TAS2R1: variants seen among roughly 807,000 people sequenced by gnomAD.
The protein encoded by TAS2R1 is taste receptor type 2 member 1.
For synonymous variants in TAS2R1, 141 were observed against 134.2 expected (o/e 1.05, Z -0.35); for missense variants, 370 against 353.4 (o/e 1.05, Z -0.38).
chr5:9,869,803 T>C, the TAS2R1 span, among the ~76,000 whole-genome samples: 1 of 152,234 alleles, frequency 6.6e-6, no homozygotes, highest in Non-Finnish European at 1.5e-5. Flanking sequence ...TTTTCTGTAA[T>C]AAATCATAGC....
chr5:9,896,173 G>A, the TAS2R1 span, among the ~76,000 whole-genome samples: 1 of 152,180 alleles, frequency 6.6e-6, no homozygotes, highest in Non-Finnish European at 1.5e-5. Flanking sequence ...CAAGGTGAGA[G>A]GTTTCTGCCT....
the TAS2R1 span, chr5:9,862,822 C>T: frequency 6.6e-6 from 1 of 152,308 alleles, no homozygotes; most frequent in Non-Finnish European, 1.5e-5. Context: ...GCCATGTTGC[C>T]CAGGCTGGTC....
At chr5:9,872,169 G>C in the TAS2R1 span, among the ~76,000 whole-genome samples, 2 of 152,154 alleles carry the variant, frequency 1.3e-5, no homozygotes, top group Non-Finnish European at 2.9e-5. Flanking sequence ...AAAAATTAAA[G>C]CAAAATATTA....
the TAS2R1 span, among the ~76,000 whole-genome samples, chr5:9,865,797 G>T: frequency 6.6e-5 from 10 of 152,284 alleles, no homozygotes; most frequent in South Asian, 2.1e-3. Context: ...AAAGTCATCT[G>T]CCTTTTCAAC....
the TAS2R1 span, among the ~76,000 whole-genome samples, chr5:9,886,168 A>G: frequency 6.6e-6 from 1 of 151,632 alleles, no homozygotes; most frequent in East Asian, 1.9e-4. Context: ...AGTAGCTGGG[A>G]CTACAGGTGC....
At chr5:9,668,785 C>T (rs542484580) in intron 1 of TAS2R1, among the ~76,000 whole-genome samples, 6 of 151,946 alleles carry the variant, frequency 3.9e-5, no homozygotes, top group South Asian at 2.1e-4. Context: ...AAGCAAAGAC[C>T]ATTACTAGCT....
chr5:9,757,485 A>G, the TAS2R1 span, among the ~76,000 whole-genome samples: 7 of 152,202 alleles, frequency 4.6e-5, no homozygotes, highest in East Asian at 1.2e-3. Flanking sequence ...GCTCATGAAC[A>G]CATTTAACAC....
chr5:9,676,077 T>C (rs1002781580), intron 1 of TAS2R1, among the ~76,000 whole-genome samples: 4 of 152,208 alleles, frequency 2.6e-5, no homozygotes, highest in African/African-American at 9.6e-5. Context: ...TGTTAAAATT[T>C]TGTCAATTTT....
the TAS2R1 span, among the ~76,000 whole-genome samples, chr5:9,791,057 TG>T: frequency 6.6e-6 from 1 of 152,218 alleles, no homozygotes; most frequent in Non-Finnish European, 1.5e-5. Context: ...TGAAAAATCT[TG>T]AGCCCCAACC....
At chr5:9,867,466 TA>T in the TAS2R1 span, among the ~76,000 whole-genome samples, 1 of 152,044 alleles carries the variant, frequency 6.6e-6, no homozygotes, top group African/African-American at 2.4e-5. Flanking sequence ...ATCTGCTCTT[TA>T]TAAAACCATC....
chr5:9,758,582 T>C, the TAS2R1 span, among the ~76,000 whole-genome samples: 3 of 152,160 alleles, frequency 2.0e-5, no homozygotes, highest in African/African-American at 7.2e-5. Flanking sequence ...ATCAACAAAT[T>C]GAAGATAATA....
At position 9,648,369 on chromosome 5, in the gene TAS2R1, A is replaced by G. The variant is rs75805023; in HGVS notation, c.-81+11052T>C. ...TTATGCCTTTTTTCCAATCTATCAA[A>G]TTGACAATATAACAGATCTGCATTG... On this transcript the variant is annotated intron_variant, in intron 2 of 2. Coordinates refer to the TAS2R1 transcript ENST00000506620. Among the ~76,000 whole-genome samples the G allele has an allele frequency of 1.9e-3, 293 of 152,200 alleles. 1 individual carries two copies. The highest frequency in any genetic ancestry group is 6.9e-3 in the African/African-American group (285 of 41,538).
At chr5:9,897,548 G>A in the TAS2R1 span, among the ~76,000 whole-genome samples, 3 of 152,276 alleles carry the variant, frequency 2.0e-5, no homozygotes, top group East Asian at 1.9e-4. Flanking sequence ...TAGGCTAACC[G>A]CACGTCTATA....
the TAS2R1 span, among the ~76,000 whole-genome samples, chr5:9,821,522 G>T: frequency 6.6e-6 from 1 of 152,208 alleles, no homozygotes; most frequent in African/African-American, 2.4e-5. Flanking sequence ...TGAAACACCT[G>T]CAGAATGTAC....
the TAS2R1 span, among the ~76,000 whole-genome samples, chr5:9,834,201 C>T: frequency 1.3e-5 from 2 of 152,204 alleles, no homozygotes; most frequent in East Asian, 3.9e-4. Flanking sequence ...GGGAGCTGGG[C>T]GCACTGACTT....
chr5:9,897,309 C>T, the TAS2R1 span, among the ~76,000 whole-genome samples: 1 of 151,986 alleles, frequency 6.6e-6, no homozygotes, highest in East Asian at 1.9e-4. Context: ...ATTAGCTGGG[C>T]GTGGTGGCGC....
the TAS2R1 span, among the ~76,000 whole-genome samples, chr5:9,838,978 G>T: frequency 6.6e-6 from 1 of 152,316 alleles, no homozygotes; most frequent in East Asian, 1.9e-4. Flanking sequence ...TGAAATCTGG[G>T]CTGGAGTACT....
the TAS2R1 span, among the ~76,000 whole-genome samples, chr5:9,851,324 A>C: frequency 6.6e-6 from 1 of 152,214 alleles, no homozygotes; most frequent in Non-Finnish European, 1.5e-5. Flanking sequence ...CAACAAAGAC[A>C]GTGGTGGGAG....
chr5:9,662,145 G>A (rs567117754), intron 1 of TAS2R1, among the ~76,000 whole-genome samples: 1 of 152,316 alleles, frequency 6.6e-6, no homozygotes, highest in East Asian at 1.9e-4. Flanking sequence ...ATGTAAGCAA[G>A]TCACAAATCC....
Sources: allele counts gnomAD v4.1 joint callset (sites outside exome capture counted in the v4.1 genomes callset), GRCh38; gene constraint gnomAD v4.1.1; transcripts MANE v1.5; gene names NCBI Gene and HGNC (gene_info 2026-07-23, HGNC 2026-07-21).